The following LRRD1 variants were observed in gnomAD, a reference collection of about 807,000 sequenced individuals.
LRRD1 encodes leucine rich repeats and death domain containing 1.
In LRRD1, 49 loss-of-function variants were observed where a neutral mutation model predicts 69.5. The ratio of observed to expected loss-of-function variants is 0.70; its 90% CI spans 0.56 to 0.89. The LOEUF is 0.89. Among genes scored for constraint, LRRD1 ranks in the 40% least tolerant of loss-of-function variants. LRRD1 has a pLI of 0.00. For synonymous variants in LRRD1, 303 were observed against 338.9 expected, an observed-to-expected ratio of 0.89 and a Z score of 1.16; for missense variants, 853 against 956.0, an observed-to-expected ratio of 0.89 and a Z score of 1.42.
rs763659732 is a variant in LRRD1, at chr7:92,146,236, GAAAAAGATAATC to G, written c.2279-48_2279-37del. 1.2e-5 allele frequency: 12 copies of G among 1,010,636 alleles called. No homozygotes were observed. In the South Asian group the frequency reaches 2.1e-4, roughly 17 times the overall value. 62.6% of individuals were successfully genotyped at this position (1,010,636 alleles called of 1,614,324 possible). On this transcript the variant is annotated intron_variant, in intron 4 of 5. Coordinates refer to ENST00000458448, the MANE Select transcript of LRRD1 (RefSeq NM_001161528.2). ...ACATAAAATAAAATGTATATCTTTT[GAAAAAGATAATC>G]TATTTTGAGTTCATATTATATCTAG...
At chr7:92,177,258 G>A (rs1416724410) in intron 1 of LRRD1, among the ~76,000 whole-genome samples, 3 of 151,022 alleles carry the variant, frequency 2.0e-5, no homozygotes, top group Non-Finnish European at 4.4e-5. Context: ...GTCCAGTTTT[G>A]GTTTCAAGGT....
chr7:92,145,629 C>G (rs1024351221), intron 5 of LRRD1, among the ~76,000 whole-genome samples: 1 of 151,710 alleles, frequency 6.6e-6, no homozygotes, highest in African/African-American at 2.4e-5. Flanking sequence ...TTAGTAGAGG[C>G]GGGGTTTCAC....
downstream of LRRD1, chr7:92,141,798 T>C (rs1820153219): frequency 6.6e-6 from 1 of 152,264 alleles, no homozygotes; most frequent in Admixed American, 6.5e-5. Flanking sequence ...ACACAGGCTG[T>C]ATAGTTGTTA....
chr7:92,160,645 T>C lies in LRRD1; in HGVS notation c.1918-1442A>G, dbSNP rs376599917. ...CCGACCAACATGGTGAAACCCCGTC[T>C]CTACTGAAAACACAAAAATTAGCTG... On this transcript the variant is annotated intron_variant, in intron 2 of 5. Coordinates refer to ENST00000458448, the MANE Select transcript of LRRD1 (RefSeq NM_001161528.2). 1.6e-3 allele frequency among the ~76,000 whole-genome samples: 240 copies of C among 152,118 alleles called. 1 individual carries two copies. The highest frequency in any genetic ancestry group is 5.4e-3 in the African/African-American group (225 of 41,488).
chr7:92,143,557 C>A (rs915374438), downstream of LRRD1, among the ~76,000 whole-genome samples: 9 of 152,214 alleles, frequency 5.9e-5, no homozygotes, highest in African/African-American at 1.9e-4. Context: ...AGCACAGCAG[C>A]TGCTGGCCCA....
chr7:92,146,700 C>T (rs540115846), intron 4 of LRRD1, among the ~76,000 whole-genome samples: 18 of 151,448 alleles, frequency 1.2e-4, no homozygotes, highest in African/African-American at 4.4e-4. Flanking sequence ...GCGGGTGGAT[C>T]ACCTGAGGTC....
downstream of LRRD1, chr7:92,141,750 C>T (rs1036095127): frequency 6.6e-6 from 1 of 152,106 alleles, no homozygotes; most frequent in Non-Finnish European, 1.5e-5. Flanking sequence ...GGTTCTCATC[C>T]CTACTGCAAG....
chr7:92,160,457 G>C (rs909770231), intron 2 of LRRD1, among the ~76,000 whole-genome samples: 3 of 151,972 alleles, frequency 2.0e-5, no homozygotes, highest in African/African-American at 7.3e-5. Context: ...GTTTAGAAAA[G>C]GTACATTACT....
At chr7:92,150,133 G>C (rs1163182585) in intron 4 of LRRD1, among the ~76,000 whole-genome samples, 1 of 152,214 alleles carries the variant, frequency 6.6e-6, no homozygotes, top group African/African-American at 2.4e-5. Context: ...CAGATTGAAA[G>C]CCTCCAATTA....
chr7:92,153,390 A>C (rs1040930932), intron 3 of LRRD1, among the ~76,000 whole-genome samples: 1 of 151,794 alleles, frequency 6.6e-6, no homozygotes, highest in African/African-American at 2.4e-5. Flanking sequence ...TCATTCATAT[A>C]GCTTCTTAGT....
chr7:92,178,703 C>A (rs1789250497), intron 1 of LRRD1: 1 of 152,132 alleles, frequency 6.6e-6, no homozygotes, highest in East Asian at 1.9e-4. Flanking sequence ...TACATACATA[C>A]AAATATTGCC....
chr7:92,178,001 A>G (rs1052332961), intron 1 of LRRD1, among the ~76,000 whole-genome samples: 5 of 152,228 alleles, frequency 3.3e-5, no homozygotes, highest in African/African-American at 1.2e-4. Flanking sequence ...AGAGGCTGCC[A>G]CCAATTATTT....
At position 92,158,143 on chromosome 7, in the gene LRRD1, A is replaced by G. The variant is rs761914734; in HGVS notation, c.2116+862T>C. Among the ~76,000 whole-genome samples the G allele has an allele frequency of 2.0e-5, 3 of 152,070 alleles. No homozygotes were observed. In the East Asian group the frequency reaches 5.8e-4, roughly 29 times the overall value. ...CATTATACCAAGGTTGGTCTGTGTGATCAATAGAATAGAGCAGAAGTGATG... is the reference window on the plus strand; with the variant it reads ...CATTATACCAAGGTTGGTCTGTGTGGTCAATAGAATAGAGCAGAAGTGATG... On this transcript the variant is annotated intron_variant, in intron 3 of 5. Coordinates refer to ENST00000458448, the MANE Select transcript of LRRD1 (RefSeq NM_001161528.2).
intron 4 of LRRD1, among the ~76,000 whole-genome samples, chr7:92,150,310 A>G (rs1025891906): frequency 6.6e-6 from 1 of 152,042 alleles, no homozygotes; most frequent in Non-Finnish European, 1.5e-5. Context: ...CTAAAAGATT[A>G]AAAAATTAGC....
intron 3 of LRRD1, among the ~76,000 whole-genome samples, chr7:92,158,366 A>C (rs1665952399): frequency 6.6e-6 from 1 of 151,826 alleles, no homozygotes; most frequent in Non-Finnish European, 1.5e-5. Flanking sequence ...AAAATAAATA[A>C]ATAAATAAAC....
At chr7:92,144,146 T>G (rs1358132755), downstream of LRRD1, among the ~76,000 whole-genome samples, 1 of 152,188 alleles carries the variant, frequency 6.6e-6, no homozygotes, top group Non-Finnish European at 1.5e-5. Flanking sequence ...CTGGCCCTAG[T>G]TTATGTTTAA....
At position 92,165,254 on chromosome 7, in the gene LRRD1, T is replaced by C; in HGVS notation, c.-52A>G. On this transcript the variant is annotated 5_prime_UTR_variant, in exon 2 of 6. Transcript: ENST00000458448. Reference sequence around the variant, plus strand: ...ATACAAAATTGTAACTTGATTTTAATTTTCATGTTTTTTCCTTTGAATCTA... The same window carrying C: ...ATACAAAATTGTAACTTGATTTTAACTTTCATGTTTTTTCCTTTGAATCTA... The C allele has an allele frequency of 9.3e-7, 1 of 1,074,144 alleles. No homozygotes were observed. 66.5% of individuals were successfully genotyped at this position (1,074,144 alleles called of 1,614,324 possible).
At chr7:92,170,870 A>C (rs1353670971) in intron 1 of LRRD1, among the ~76,000 whole-genome samples, 1 of 152,244 alleles carries the variant, frequency 6.6e-6, no homozygotes, top group African/African-American at 2.4e-5. Flanking sequence ...ACAATGGAAT[A>C]AAACAGGAAA....
At chr7:92,176,380 A>C (rs1289046434) in intron 1 of LRRD1, among the ~76,000 whole-genome samples, 2 of 152,122 alleles carry the variant, frequency 1.3e-5, no homozygotes, top group Non-Finnish European at 2.9e-5. Flanking sequence ...ATTCTCCTAG[A>C]CTTTCTATAA....
Sources: allele counts gnomAD v4.1 joint callset (sites outside exome capture counted in the v4.1 genomes callset), GRCh38; gene constraint gnomAD v4.1.1; transcripts MANE v1.5; gene names NCBI Gene and HGNC (gene_info 2026-07-23, HGNC 2026-07-21).